Variants in EFCAB11 observed in about 807,000 individuals in gnomAD.
EFCAB11 encodes EF-hand calcium-binding domain-containing protein 11.
A neutral mutation model predicts 23.0 loss-of-function variants in EFCAB11; 14 were observed. The observed-to-expected ratio is 0.61, with a 90% CI of 0.40 to 0.95. EFCAB11 has a LOEUF of 0.95. EFCAB11 is among the 40% of genes least tolerant of loss of function. The pLI is 0.00. For missense variants in EFCAB11, 198 were observed against 195.8 expected (o/e 1.01, Z -0.07); for synonymous variants, 65 against 66.6 (o/e 0.98, Z 0.11).
chr14:89,899,588 A>G (rs1889280968), intron 5 of EFCAB11, among the ~76,000 whole-genome samples: 1 of 152,250 alleles, frequency 6.6e-6, no homozygotes, highest in South Asian at 2.1e-4. Context: ...TGACTCACAC[A>G]TAAGGAATAA....
intron 5 of EFCAB11, among the ~76,000 whole-genome samples, chr14:89,823,189 T>G (rs1052239947): frequency 7.2e-5 from 11 of 152,102 alleles, no homozygotes; most frequent in Non-Finnish European, 2.9e-5. Flanking sequence ...TGACATACCA[T>G]TGTTGCTTGA....
intron 5 of EFCAB11, among the ~76,000 whole-genome samples, chr14:89,832,064 GC>G (rs1596388751): frequency 6.6e-6 from 1 of 152,168 alleles, no homozygotes; most frequent in African/African-American, 2.4e-5. Flanking sequence ...TGTAATCCCA[GC>G]ACTTTAGGAG....
At chr14:89,927,282 A>G (rs977349001) in intron 5 of EFCAB11, among the ~76,000 whole-genome samples, 1 of 152,224 alleles carries the variant, frequency 6.6e-6, no homozygotes, top group African/African-American at 2.4e-5. Context: ...CTTGATCTCT[A>G]GAAATTTCTT....
At chr14:89,852,083 C>T (rs1009030916) in intron 5 of EFCAB11, among the ~76,000 whole-genome samples, 20 of 152,200 alleles carry the variant, frequency 1.3e-4, no homozygotes, top group African/African-American at 4.3e-4. Context: ...GTGCTTCCAA[C>T]ACATCACACG....
At chr14:89,918,568 GA>G (rs1324065741) in intron 5 of EFCAB11, among the ~76,000 whole-genome samples, 2 of 150,970 alleles carry the variant, frequency 1.3e-5, no homozygotes, top group African/African-American at 4.9e-5. Context: ...GAAGAAGAAA[GA>G]AAATTAAAGG....
At chr14:89,870,690 G>C (rs1888238874) in intron 5 of EFCAB11, among the ~76,000 whole-genome samples, 1 of 150,272 alleles carries the variant, frequency 6.7e-6, no homozygotes, top group Non-Finnish European at 1.5e-5. Context: ...CCAGCACTTT[G>C]GAAGGCTGAG....
intron 5 of EFCAB11, among the ~76,000 whole-genome samples, chr14:89,902,032 A>G (rs1889354778): frequency 6.6e-6 from 1 of 152,062 alleles, no homozygotes; most frequent in Non-Finnish European, 1.5e-5. Context: ...ATATAAAAGA[A>G]AGAGGTAGCA....
intron 5 of EFCAB11, among the ~76,000 whole-genome samples, chr14:89,870,056 C>T (rs1386032276): frequency 6.6e-6 from 1 of 152,200 alleles, no homozygotes; most frequent in African/African-American, 2.4e-5. Context: ...ATGATGGCTT[C>T]TTCATTCCTC....
intron 5 of EFCAB11, among the ~76,000 whole-genome samples, chr14:89,809,294 G>A (rs942390202): frequency 2.6e-5 from 4 of 152,132 alleles, no homozygotes; most frequent in Non-Finnish European, 5.9e-5. Flanking sequence ...AATCACTAAG[G>A]GACATTAGGA....
Position 89,794,698 on chromosome 14 carries a change from CT to C in EFCAB11, c.*2544del, listed in dbSNP as rs1468984730. On this transcript the variant is annotated 3_prime_UTR_variant, in exon 6 of 6. Transcript: ENST00000316738. ...TATTTGAAATAAGATTTTATTTTTA[CT>C]TGATTTTCAATGTTTTCTTCATTTT... is the stretch of plus-strand genomic sequence containing the variant. 2 of 152,120 alleles carry C rather than the reference CT, an allele frequency of 1.3e-5. No homozygotes were observed. The highest frequency in any genetic ancestry group is 4.8e-5 in the African/African-American group (2 of 41,436). 9.4% of individuals were successfully genotyped at this position (152,120 alleles called of 1,614,324 possible).
chr14:89,841,703 A>T (rs1349454615), intron 5 of EFCAB11, among the ~76,000 whole-genome samples: 1 of 151,336 alleles, frequency 6.6e-6, no homozygotes, highest in East Asian at 1.9e-4. Flanking sequence ...TTCTCTGGGC[A>T]CTGTTTACTG....
intron 5 of EFCAB11, among the ~76,000 whole-genome samples, chr14:89,817,097 A>G (rs1267696629): frequency 1.3e-5 from 2 of 152,130 alleles, no homozygotes; most frequent in Non-Finnish European, 2.9e-5. Context: ...TTGTAGATTT[A>G]ATACATTTCT....
intron 5 of EFCAB11, among the ~76,000 whole-genome samples, chr14:89,895,545 G>A (rs1027289442): frequency 2.6e-5 from 4 of 152,138 alleles, no homozygotes; most frequent in African/African-American, 9.7e-5. Context: ...AAGCAGAACA[G>A]CAGAGAAAAG....
chr14:89,846,227 T>C (rs777236700), intron 5 of EFCAB11, among the ~76,000 whole-genome samples: 1 of 152,228 alleles, frequency 6.6e-6, no homozygotes, highest in Non-Finnish European at 1.5e-5. Flanking sequence ...GCGTAAGCTG[T>C]ACATCCTCTG....
At chr14:89,954,489 C>G (rs1042086329) in intron 1 of EFCAB11, 97 bp downstream of exon 1, 1 of 1,554,402 alleles carries the variant, frequency 6.4e-7, no homozygotes, top group Non-Finnish European at 8.7e-7. Context: ...CAGGTCTTAT[C>G]TGCACACCCG....
chr14:89,812,265 A>G (rs1196247285), intron 5 of EFCAB11, among the ~76,000 whole-genome samples: 4 of 152,248 alleles, frequency 2.6e-5, no homozygotes, highest in South Asian at 2.1e-4. Context: ...TTGAATTTAT[A>G]TAAAGAAAAC....
chr14:89,861,686 T>C (rs1422948639), intron 5 of EFCAB11, among the ~76,000 whole-genome samples: 1 of 152,154 alleles, frequency 6.6e-6, no homozygotes. Context: ...TGGGATTACA[T>C]AAGACCATCA....
chr14:89,803,660 T>C (rs1163993407), intron 5 of EFCAB11, among the ~76,000 whole-genome samples: 1 of 152,168 alleles, frequency 6.6e-6, no homozygotes, highest in Non-Finnish European at 1.5e-5. Flanking sequence ...GCCACTACAT[T>C]AGGGACAAAG....
intron 5 of EFCAB11, among the ~76,000 whole-genome samples, chr14:89,862,722 C>T (rs1887962909): frequency 6.6e-6 from 1 of 152,194 alleles, no homozygotes; most frequent in Non-Finnish European, 1.5e-5. Context: ...TGAGCATTCA[C>T]ATCATCAAAC....
Sources: gnomAD v4.1 joint callset for allele counts (sites outside exome capture counted in the v4.1 genomes callset) on GRCh38, gnomAD v4.1.1 for gene constraint, MANE v1.5 for transcripts, NCBI Gene and HGNC (gene_info 2026-07-23, HGNC 2026-07-21) for gene names.